The following HCRTR2 variants were observed in gnomAD, a reference collection of about 807,000 sequenced individuals.
The protein encoded by HCRTR2 is orexin receptor type 2.
HCRTR2 carries 22 observed loss-of-function variants against 49.0 expected under a neutral mutation model. The ratio of observed to expected loss-of-function variants is 0.45; its 90% CI spans 0.32 to 0.64. The LOEUF (loss-of-function observed/expected upper bound fraction) is 0.64, where lower values mean the gene tolerates loss of function less well. HCRTR2 is among the 30% of genes least tolerant of loss of function. HCRTR2 has a pLI of 0.04. For synonymous variants in HCRTR2, 236 were observed against 205.3 expected, an observed-to-expected ratio of 1.15 and a Z score of -1.28; for missense variants, 491 against 559.4, an observed-to-expected ratio of 0.88 and a Z score of 1.23.
In HCRTR2 at chr6:55,117,870, G is replaced by GT. The variant is rs1370900525; in HGVS notation, c.-378+11334dup. On this transcript the variant is annotated intron_variant, in intron 1 of 7. Coordinates refer to the HCRTR2 transcript ENST00000615358. ...TTTTACTTCCCTCCACAGACTGTTT[G>GT]TTTTTTTTTCTGTTTTTCCTTTATT... 5.2e-3 allele frequency among the ~76,000 whole-genome samples: 648 copies of GT among 124,392 alleles called. 8 individuals are homozygous for GT. Among genetic ancestry groups the GT allele is most frequent in the Middle Eastern group, 0.02 (5 of 254 alleles). The allele number at this position is 124,392 out of a possible 152,430, so 81.6% of individuals were successfully genotyped here. A position where few individuals can be genotyped will look rare whatever the true frequency, so the allele number is the denominator to read the frequency against.
In HCRTR2 at chr6:55,192,401, A is replaced by ATG. The variant is rs1562001850; in HGVS notation, c.223+17591_223+17592insTG. Reference sequence around the variant, plus strand: ...AGAACCTTTCTCTAAACACACACACACGCGCGCGCGCGCACACACACACAC... The same window carrying ATG: ...AGAACCTTTCTCTAAACACACACACATGCGCGCGCGCGCGCACACACACACAC... On this transcript the variant is annotated intron_variant, in intron 1 of 6. Transcript: ENST00000370862. Among the ~76,000 whole-genome samples, 9 of 141,810 alleles carry ATG rather than the reference A, an allele frequency of 6.3e-5. No individual in the cohort carries two copies. In the East Asian group the frequency reaches 2.0e-3, roughly 31 times the overall value. The allele number at this position is 141,810 out of a possible 152,430, so 93.0% of individuals were successfully genotyped here.
At chr6:55,195,195 G>A (rs59867521) in intron 1 of HCRTR2, among the ~76,000 whole-genome samples, 33,269 of 151,912 alleles carry the variant, frequency 0.22, 3,793 homozygotes, top group Admixed American at 0.3. Flanking sequence ...ATAAGATATC[G>A]ACTTTCTTAA....
intron 1 of HCRTR2, among the ~76,000 whole-genome samples, chr6:55,225,305 G>A (rs757609732): frequency 2.0e-5 from 3 of 151,998 alleles, no homozygotes; most frequent in Admixed American, 1.3e-4. Context: ...TTTACAAATG[G>A]TGTATCTGAT....
intron 1 of HCRTR2, among the ~76,000 whole-genome samples, chr6:55,140,830 C>T (rs949698888): frequency 6.6e-6 from 1 of 152,020 alleles, no homozygotes; most frequent in African/African-American, 2.4e-5. Flanking sequence ...TATAATCTTG[C>T]AAATGTATAC....
chr6:55,180,249 C>A (rs187429599), intron 1 of HCRTR2, among the ~76,000 whole-genome samples: 12 of 152,352 alleles, frequency 7.9e-5, no homozygotes, highest in Non-Finnish European at 1.3e-4. Context: ...CAGTAAATAG[C>A]AGCACTAGGT....
intron 1 of HCRTR2, among the ~76,000 whole-genome samples, chr6:55,108,696 T>C (rs1764008316): frequency 6.6e-6 from 1 of 152,046 alleles, no homozygotes; most frequent in South Asian, 2.1e-4. Flanking sequence ...CTGACTTTAT[T>C]TCACAGGTGT....
intron 2 of HCRTR2, among the ~76,000 whole-genome samples, chr6:55,254,780 A>G (rs1025795874): frequency 9.4e-5 from 14 of 149,654 alleles, no homozygotes; most frequent in Admixed American, 5.3e-4. Flanking sequence ...TTTTTTCTAT[A>G]TGAGGGTATG....
intron 1 of HCRTR2, among the ~76,000 whole-genome samples, chr6:55,205,606 T>C (rs1327698261): frequency 1.3e-5 from 2 of 151,952 alleles, no homozygotes; most frequent in African/African-American, 4.8e-5. Context: ...ATTGAAGACA[T>C]TTATACTGAC....
chr6:55,197,208 C>T (rs1275694510), intron 1 of HCRTR2, among the ~76,000 whole-genome samples: 1 of 152,132 alleles, frequency 6.6e-6, no homozygotes, highest in African/African-American at 2.4e-5. Context: ...TATCTCTAAC[C>T]TAACATTAAC....
At chr6:55,189,941 G>A (rs1418853031) in intron 1 of HCRTR2, among the ~76,000 whole-genome samples, 2 of 152,192 alleles carry the variant, frequency 1.3e-5, no homozygotes, top group Non-Finnish European at 2.9e-5. Flanking sequence ...TGAATTGCTA[G>A]AGGAGTACCC....
chr6:55,114,652 A>G (rs1174125434), intron 1 of HCRTR2, among the ~76,000 whole-genome samples: 2 of 151,892 alleles, frequency 1.3e-5, no homozygotes, highest in East Asian at 1.9e-4. Context: ...CTGTCTATAC[A>G]ATAGTTGCTT....
chr6:55,274,905 A>G (rs887553211), intron 4 of HCRTR2, among the ~76,000 whole-genome samples: 3 of 152,102 alleles, frequency 2.0e-5, no homozygotes, highest in Non-Finnish European at 2.9e-5. Context: ...TCTGAACAAG[A>G]TTGGAATTAT....
chr6:55,245,087 A>C (rs1390136294), intron 1 of HCRTR2, among the ~76,000 whole-genome samples: 1 of 151,806 alleles, frequency 6.6e-6, no homozygotes, highest in Admixed American at 6.6e-5. Context: ...GCATAATTTG[A>C]AGTCAGTTAA....
intron 4 of HCRTR2, among the ~76,000 whole-genome samples, chr6:55,276,959 G>GA (rs1767087874): frequency 2.0e-5 from 3 of 152,146 alleles, no homozygotes; most frequent in South Asian, 4.1e-4. Context: ...ATTGATGCGT[G>GA]AAAAATCCAT....
intron 1 of HCRTR2, among the ~76,000 whole-genome samples, chr6:55,162,787 A>T (rs1435180450): frequency 6.6e-6 from 1 of 152,178 alleles, no homozygotes; most frequent in African/African-American, 2.4e-5. Context: ...CTTCAAGGAG[A>T]ACTACAAACC....
At chr6:55,171,031 G>A (rs972317933), upstream of HCRTR2, among the ~76,000 whole-genome samples, 10 of 151,956 alleles carry the variant, frequency 6.6e-5, no homozygotes, top group South Asian at 2.1e-4. Flanking sequence ...GAATAGTGCC[G>A]CAATAAACAT....
chr6:55,262,523 T>C (rs1339475843), intron 3 of HCRTR2, among the ~76,000 whole-genome samples: 1 of 131,302 alleles, frequency 7.6e-6, no homozygotes, highest in Admixed American at 8.7e-5. Context: ...TTATATATTA[T>C]ATATAATATA....
At chr6:55,136,236 T>C (rs1281033528) in intron 1 of HCRTR2, among the ~76,000 whole-genome samples, 3 of 152,182 alleles carry the variant, frequency 2.0e-5, no homozygotes, top group African/African-American at 4.8e-5. Flanking sequence ...GAAAAATATA[T>C]AGACAATTTT....
chr6:55,267,409 T>G (rs1451846457), intron 4 of HCRTR2, among the ~76,000 whole-genome samples: 1 of 151,548 alleles, frequency 6.6e-6, no homozygotes, highest in African/African-American at 2.4e-5. Context: ...TCTCTGTTTT[T>G]TTTTTTTTTT....
Sources: allele counts gnomAD v4.1 joint callset (sites outside exome capture counted in the v4.1 genomes callset), GRCh38; gene constraint gnomAD v4.1.1; transcripts MANE v1.5; gene names NCBI Gene and HGNC (gene_info 2026-07-23, HGNC 2026-07-21).